NIPAL1: variants seen among roughly 807,000 people sequenced by gnomAD.
The protein encoded by NIPAL1 is magnesium transporter NIPA3.
A neutral mutation model predicts 37.7 loss-of-function variants in NIPAL1; 35 were observed. That is an observed-to-expected ratio of 0.93 (90% CI 0.71 to 1.23). NIPAL1 has a LOEUF of 1.23. Among genes scored for constraint, NIPAL1 ranks in the 50% most tolerant of loss-of-function variants. NIPAL1 has a pLI of 0.00. For missense variants in NIPAL1, 412 were observed against 473.9 expected (o/e 0.87, Z 1.21); for synonymous variants, 162 against 183.0 (o/e 0.89, Z 0.93).
chr4:48,020,995 T>C (rs1028952238), intron 1 of NIPAL1, among the ~76,000 whole-genome samples: 2 of 152,188 alleles, frequency 1.3e-5, no homozygotes, highest in Non-Finnish European at 2.9e-5. Context: ...TTTGACAAAT[T>C]ATTTAAAGCA....
chr4:48,022,949 C>T (rs540137640), intron 1 of NIPAL1, among the ~76,000 whole-genome samples: 2 of 152,258 alleles, frequency 1.3e-5, no homozygotes, highest in African/African-American at 4.8e-5. Context: ...GATGACACCA[C>T]TGCACTACAA....
Position 48,036,681 on chromosome 4 carries a change from A to C in NIPAL1, c.*509A>C, listed in dbSNP as rs2109374226. 6.5e-6 allele frequency: 1 copy of C among 154,566 alleles called. No homozygotes were observed. The highest frequency in any genetic ancestry group is 2.0e-4 in the South Asian group (1 of 4,940). 9.6% of individuals were successfully genotyped at this position (154,566 alleles called of 1,614,324 possible). On this transcript the variant is annotated 3_prime_UTR_variant, in exon 6 of 6. Coordinates refer to ENST00000295461, the MANE Select transcript of NIPAL1 (RefSeq NM_207330.3). Reference sequence around the variant, plus strand: ...GGTGGTTCACACCTGTAATCCTAGCAGTTTGGGAGGCCAAGGCGGACAGAT... The same window carrying C: ...GGTGGTTCACACCTGTAATCCTAGCCGTTTGGGAGGCCAAGGCGGACAGAT...
At chr4:48,034,524 G>A (rs992431020) in intron 4 of NIPAL1, among the ~76,000 whole-genome samples, 1 of 152,042 alleles carries the variant, frequency 6.6e-6, no homozygotes, top group African/African-American at 2.4e-5. Context: ...AACATCCATG[G>A]GCATACATAT....
intron 2 of NIPAL1, among the ~76,000 whole-genome samples, chr4:48,029,468 A>G (rs1448298761): frequency 6.6e-6 from 1 of 152,160 alleles, no homozygotes; most frequent in Admixed American, 6.5e-5. Context: ...ATGAAATACT[A>G]CCTGTTGGGT....
Position 48,033,699 on chromosome 4 carries a change from T to A in NIPAL1, c.461+616T>A, listed in dbSNP as rs116470891. Among the ~76,000 whole-genome samples the A allele has an allele frequency of 5.2e-3, 792 of 152,342 alleles. 8 individuals are homozygous for A. Among genetic ancestry groups the A allele is most frequent in the African/African-American group, 0.018 (757 of 41,580 alleles). On this transcript the variant is annotated intron_variant, in intron 4 of 5. Coordinates refer to ENST00000295461, the MANE Select transcript of NIPAL1 (RefSeq NM_207330.3). ...GGAATAATTTTCCTATTTCATGGAA[T>A]GTGGATCTAATTTTTCTGAGTTTAT...
Position 48,025,229 on chromosome 4 carries a change from G to A in NIPAL1, c.208G>A (p.Val70Met), listed in dbSNP as rs761348234. The change falls in exon 2 of 6, where the codon GTG becomes ATG. Residue 70 changes from valine (V) to methionine (M), a missense_variant. Coordinates refer to ENST00000295461, the MANE Select transcript of NIPAL1 (RefSeq NM_207330.3). ...TGTAGAAAACAAATACAGTCTTTAT[G>A]TGGGCTTGGTACTGGCAGTAAGCTC... ...ANVENKYSLYVGLVLAVSSSI... is the reference protein window; with the variant it reads ...ANVENKYSLYMGLVLAVSSSI... 6.2e-7 allele frequency: 1 copy of A among 1,614,168 alleles called. No individual in the cohort carries two copies. The highest frequency in any genetic ancestry group is 1.1e-5 in the South Asian group (1 of 91,084).
intron 4 of NIPAL1, among the ~76,000 whole-genome samples, chr4:48,033,940 GT>G (rs1715872316): frequency 6.6e-6 from 1 of 152,194 alleles, no homozygotes; most frequent in Admixed American, 6.5e-5. Context: ...ATAGCTAGTA[GT>G]AGTAGTAGTA....
intron 1 of NIPAL1, among the ~76,000 whole-genome samples, chr4:48,023,800 T>A (rs1442787921): frequency 6.6e-6 from 1 of 152,176 alleles, no homozygotes; most frequent in Non-Finnish European, 1.5e-5. Flanking sequence ...AGCCTAATGA[T>A]ATTTAAATTC....
Position 48,039,609 on chromosome 4 carries a change from T to C in NIPAL1, c.*3437T>C, listed in dbSNP as rs1716036535. ...TTATACTTTTGTCTTACAATTTTAT[T>C]CTTAGGTCAATGGTTATTTATTATA... is the stretch of plus-strand genomic sequence containing the variant. On this transcript the variant is annotated 3_prime_UTR_variant, in exon 6 of 6. Transcript: ENST00000295461. 1 of 152,246 alleles carries C rather than the reference T, an allele frequency of 6.6e-6. No homozygotes were observed. The highest frequency in any genetic ancestry group is 1.5e-5 in the Non-Finnish European group (1 of 68,030). 9.4% of individuals were successfully genotyped at this position (152,246 alleles called of 1,614,324 possible). A position where few individuals can be genotyped will look rare whatever the true frequency, so the allele number is the denominator to read the frequency against.
Position 48,036,899 on chromosome 4 carries a change from G to C in NIPAL1, c.*727G>C, listed in dbSNP as rs1252273527. On this transcript the variant is annotated 3_prime_UTR_variant, in exon 6 of 6. Transcript: ENST00000295461. ...GCCCAGATTGCGCCATTGTGCTCCAGCCTGGGTGACAAAGCAAGGCCCTGT... is the reference window on the plus strand; with the variant it reads ...GCCCAGATTGCGCCATTGTGCTCCACCCTGGGTGACAAAGCAAGGCCCTGT... 6.5e-6 allele frequency: 1 copy of C among 153,484 alleles called. No individual in the cohort carries two copies. Among genetic ancestry groups the C allele is most frequent in the Non-Finnish European group, 1.4e-5 (1 of 68,998 alleles). The allele number at this position is 153,484 out of a possible 1,614,324, so 9.5% of individuals were successfully genotyped here. A position where few individuals can be genotyped will look rare whatever the true frequency, so the allele number is the denominator to read the frequency against.
chr4:48,024,118 A>AT (rs950356180), intron 1 of NIPAL1, among the ~76,000 whole-genome samples: 3 of 151,706 alleles, frequency 2.0e-5, no homozygotes, highest in African/African-American at 7.3e-5. Flanking sequence ...GACTATAGGC[A>AT]TGCACCACCA....
Position 48,025,348 on chromosome 4 carries a change from G to A in NIPAL1, c.313+14G>A, listed in dbSNP as rs772898489. On this transcript the variant is annotated intron_variant, in intron 2 of 5. Transcript: ENST00000295461. Reference sequence around the variant, plus strand: ...TTACTAGAGCTGGTAAGAAACACATGCAACTAATGAATTTAAGTTTCTAAC... The same window carrying A: ...TTACTAGAGCTGGTAAGAAACACATACAACTAATGAATTTAAGTTTCTAAC... The A allele has an allele frequency of 3.7e-6, 6 of 1,609,386 alleles. No homozygotes were observed. Among genetic ancestry groups the A allele is most frequent in the Admixed American group, 3.4e-5 (2 of 59,248 alleles).
At chr4:48,035,071 A>G (rs1715897311) in intron 5 of NIPAL1, 30 bp downstream of exon 5, 1 of 1,581,464 alleles carries the variant, frequency 6.3e-7, no homozygotes, top group East Asian at 2.2e-5. Context: ...GAACCACTCA[A>G]ATTCTGCTCC....
chr4:48,029,911 A>G (rs1346823570), intron 2 of NIPAL1, among the ~76,000 whole-genome samples: 2 of 152,178 alleles, frequency 1.3e-5, no homozygotes, highest in Non-Finnish European at 2.9e-5. Context: ...CAATTAATCC[A>G]TTAGGGGATT....
At chr4:48,034,360 G>A (rs1382615858) in intron 4 of NIPAL1, among the ~76,000 whole-genome samples, 1 of 151,828 alleles carries the variant, frequency 6.6e-6, no homozygotes, top group Non-Finnish European at 1.5e-5. Flanking sequence ...TACTGTTACT[G>A]TATATTATGT....
At chr4:48,032,076 ATTCTG>A (rs1437238391) in intron 3 of NIPAL1, among the ~76,000 whole-genome samples, 1 of 152,148 alleles carries the variant, frequency 6.6e-6, no homozygotes. Context: ...TGTCTTAATT[ATTCTG>A]TTCTGTAAAT....
Position 48,030,496 on chromosome 4 carries a change from T to C in NIPAL1, c.370+320T>C, listed in dbSNP as rs536947968. Reference sequence around the variant, plus strand: ...ATAACAATAGAGAAAAGTACTTTTCTTTCATATTTTCCCACCTCCTAATTA... The same window carrying C: ...ATAACAATAGAGAAAAGTACTTTTCCTTCATATTTTCCCACCTCCTAATTA... On this transcript the variant is annotated intron_variant, in intron 3 of 5. Transcript: ENST00000295461. Among the ~76,000 whole-genome samples the C allele has an allele frequency of 2.6e-5, 4 of 152,326 alleles. No homozygotes were observed. The South Asian group carries it at 8.3e-4, about 32-fold the overall frequency.
intron 2 of NIPAL1, 147 bp downstream of exon 2, chr4:48,025,481 C>A: frequency 1.3e-6 from 1 of 780,426 alleles, no homozygotes; most frequent in Non-Finnish European, 2.0e-6. Context: ...ATACTTAGGT[C>A]TTTGATTAAA....
intron 3 of NIPAL1, among the ~76,000 whole-genome samples, chr4:48,031,943 T>G (rs1272861154): frequency 6.6e-6 from 1 of 152,202 alleles, no homozygotes; most frequent in Non-Finnish European, 1.5e-5. Flanking sequence ...TTCACCATGT[T>G]GGCCAGGCTG....
Sources: gnomAD v4.1 joint callset for allele counts (sites outside exome capture counted in the v4.1 genomes callset) on GRCh38, gnomAD v4.1.1 for gene constraint, MANE v1.5 for transcripts, NCBI Gene and HGNC (gene_info 2026-07-23, HGNC 2026-07-21) for gene names.